The following CALCR variants were observed in gnomAD, a reference collection of about 807,000 sequenced individuals.
CALCR encodes calcitonin receptor.
A neutral mutation model predicts 59.5 loss-of-function variants in CALCR; 47 were observed. The ratio of observed to expected loss-of-function variants is 0.79; its 90% CI spans 0.63 to 1.01. The LOEUF (loss-of-function observed/expected upper bound fraction) is 1.01, where lower values mean the gene tolerates loss of function less well. Ranked by LOEUF, CALCR falls within the 50% of genes least tolerant of loss-of-function variation. The probability of loss-of-function intolerance (pLI) is 0.00; values close to 1 mark genes in which losing one functional copy is unlikely to be tolerated. For missense variants in CALCR, 566 were observed against 597.1 expected (o/e 0.95, Z 0.54); for synonymous variants, 213 against 211.3 (o/e 1.01, Z -0.07).
chr7:93,476,147 G>A (rs1172897942), intron 5 of CALCR, among the ~76,000 whole-genome samples: 2 of 151,618 alleles, frequency 1.3e-5, no homozygotes, highest in African/African-American at 4.8e-5. Context: ...ACCATATTTG[G>A]ACCATTTAAT....
At chr7:93,467,240 A>T (rs1800459117) in intron 7 of CALCR, among the ~76,000 whole-genome samples, 1 of 151,762 alleles carries the variant, frequency 6.6e-6, no homozygotes, top group Non-Finnish European at 1.5e-5. Context: ...ATACTCTTCT[A>T]TTCTAATTTG....
At chr7:93,437,026 C>CTT (rs56167457) in intron 11 of CALCR, among the ~76,000 whole-genome samples, 44,422 of 148,184 alleles carry the variant, frequency 0.3, 7,165 homozygotes, top group African/African-American at 0.43. Flanking sequence ...ATTGTTGAAT[C>CTT]TTTTTTTTTA....
chr7:93,471,491 G>T (rs961300725), intron 6 of CALCR, among the ~76,000 whole-genome samples: 2 of 151,754 alleles, frequency 1.3e-5, no homozygotes, highest in Non-Finnish European at 2.9e-5. Flanking sequence ...TTTAATAAAA[G>T]AAAACTTTTC....
At chr7:93,555,348 C>G (rs564412225) in intron 2 of CALCR, among the ~76,000 whole-genome samples, 40 of 152,168 alleles carry the variant, frequency 2.6e-4, no homozygotes, top group African/African-American at 9.6e-4. Flanking sequence ...GGTCCTGAGG[C>G]ACTATGGATG....
intron 2 of CALCR, among the ~76,000 whole-genome samples, chr7:93,552,310 C>T (rs1789480700): frequency 6.6e-6 from 1 of 152,166 alleles, no homozygotes; most frequent in South Asian, 2.1e-4. Flanking sequence ...ATATTATGAG[C>T]TTACCAAAGT....
chr7:93,555,182 C>T (rs1410142195), intron 2 of CALCR, among the ~76,000 whole-genome samples: 1 of 151,986 alleles, frequency 6.6e-6, no homozygotes, highest in Non-Finnish European at 1.5e-5. Flanking sequence ...AGGCATACTA[C>T]TCATGTGTCA....
At chr7:93,480,072 AC>A (rs1306136040) in intron 3 of CALCR, among the ~76,000 whole-genome samples, 1 of 151,912 alleles carries the variant, frequency 6.6e-6, no homozygotes, top group Non-Finnish European at 1.5e-5. Context: ...ATTGGTTTCA[AC>A]AGCAGATGAC....
chr7:93,438,461 T>C (rs1333669922), intron 9 of CALCR, among the ~76,000 whole-genome samples, 191 bp from the exon 10 acceptor site: 1 of 152,234 alleles, frequency 6.6e-6, no homozygotes, highest in African/African-American at 2.4e-5. Context: ...TAGAACATCA[T>C]GTGCTTCCTG....
At chr7:93,428,076 G>A (rs1799568763) in intron 13 of CALCR, among the ~76,000 whole-genome samples, 1 of 151,974 alleles carries the variant, frequency 6.6e-6, no homozygotes, top group South Asian at 2.1e-4. Flanking sequence ...GATTTAAAAC[G>A]GACAAAGACA....
At chr7:93,433,630 T>C (rs1290550865) in intron 13 of CALCR, among the ~76,000 whole-genome samples, 1 of 152,214 alleles carries the variant, frequency 6.6e-6, no homozygotes, top group Non-Finnish European at 1.5e-5. Flanking sequence ...TCTGGAGCTA[T>C]AGAAGCTCCA....
Position 93,424,561 on chromosome 7 carries a change from T to C in CALCR, c.*1795A>G, listed in dbSNP as rs183459170. 6.5e-6 allele frequency: 1 copy of C among 152,764 alleles called. No homozygotes were observed. The highest frequency in any genetic ancestry group is 1.9e-4 in the East Asian group (1 of 5,192). The allele number at this position is 152,764 out of a possible 1,614,324, so 9.5% of individuals were successfully genotyped here. The stretch of plus-strand genomic sequence containing the variant: ...ATCTTTTTGCTTTTAACGTACTCTG[T>C]ATTAATTTATACATATACACAAGCA... On this transcript the variant is annotated 3_prime_UTR_variant, in exon 14 of 14. Coordinates refer to ENST00000426151, the MANE Select transcript of CALCR (RefSeq NM_001742.4).
chr7:93,524,218 G>A lies in CALCR; in HGVS notation c.-26-37211C>T, dbSNP rs537277256. Among the ~76,000 whole-genome samples, 215 of 145,498 alleles carry A rather than the reference G, an allele frequency of 1.5e-3. 2 individuals carry two copies. The highest frequency in any genetic ancestry group is 1.6e-4 in the Non-Finnish European group (11 of 66,830). On this transcript the variant is annotated intron_variant, in intron 2 of 13. Coordinates refer to ENST00000426151, the MANE Select transcript of CALCR (RefSeq NM_001742.4). ...CGAGTTTCGCTCTGTTGCCCAGGCT[G>A]GAGTGCAGTGGCATGATCTCAGCTC... is the stretch of plus-strand genomic sequence containing the variant.
At chr7:93,539,138 C>T (rs1789065944) in intron 2 of CALCR, among the ~76,000 whole-genome samples, 1 of 152,038 alleles carries the variant, frequency 6.6e-6, no homozygotes, top group Non-Finnish European at 1.5e-5. Context: ...CACTCTCCTT[C>T]TTTTTATATA....
chr7:93,485,096 G>T (rs7778672), intron 3 of CALCR, among the ~76,000 whole-genome samples: 1 of 151,578 alleles, frequency 6.6e-6, no homozygotes, highest in Non-Finnish European at 1.5e-5. Context: ...AGAAGTGTCA[G>T]TGTGAACATA....
At chr7:93,501,539 G>C (rs932065591) in intron 2 of CALCR, among the ~76,000 whole-genome samples, 1 of 152,058 alleles carries the variant, frequency 6.6e-6, no homozygotes, top group Non-Finnish European at 1.5e-5. Context: ...ATGCAGATGG[G>C]ATAATAACTG....
Position 93,454,390 on chromosome 7 carries a change from A to C in CALCR, c.648+6431T>G, listed in dbSNP as rs1413482721. Among the ~76,000 whole-genome samples, 3 of 152,076 alleles carry C rather than the reference A, an allele frequency of 2.0e-5. 1 individual carries two copies. The highest frequency in any genetic ancestry group is 7.2e-5 in the African/African-American group (3 of 41,454). ...ACTTATATAAGAGGCTATAGAAAATAGGACTCGATTGTTTCAGTTTCTGAG... is the reference window on the plus strand; with the variant it reads ...ACTTATATAAGAGGCTATAGAAAATCGGACTCGATTGTTTCAGTTTCTGAG... On this transcript the variant is annotated intron_variant, in intron 8 of 13. Transcript: ENST00000426151.
At chr7:93,432,500 C>T (rs1441923199) in intron 13 of CALCR, among the ~76,000 whole-genome samples, 2 of 152,194 alleles carry the variant, frequency 1.3e-5, no homozygotes, top group Non-Finnish European at 2.9e-5. Context: ...AAATGTCACA[C>T]TTTTACCTTC....
chr7:93,573,720 G>T (rs1790054244), intron 2 of CALCR, among the ~76,000 whole-genome samples: 1 of 152,178 alleles, frequency 6.6e-6, no homozygotes, highest in Admixed American at 6.5e-5. Flanking sequence ...ATGAAAAAGA[G>T]TACTCTTTTG....
intron 2 of CALCR, among the ~76,000 whole-genome samples, chr7:93,516,631 A>G (rs1801656530): frequency 6.6e-6 from 1 of 151,936 alleles, no homozygotes; most frequent in Non-Finnish European, 1.5e-5. Context: ...AGAACCCTTC[A>G]AAGAATAAAT....
Sources: gnomAD v4.1 joint callset for allele counts (sites outside exome capture counted in the v4.1 genomes callset) on GRCh38, gnomAD v4.1.1 for gene constraint, MANE v1.5 for transcripts, NCBI Gene and HGNC (gene_info 2026-07-23, HGNC 2026-07-21) for gene names.